DLG2: variants seen among roughly 807,000 people sequenced by gnomAD.
DLG2 encodes the protein disks large homolog 2.
A neutral mutation model predicts 132.5 loss-of-function variants in DLG2; 45 were observed. The observed-to-expected ratio is 0.34, with a 90% CI of 0.27 to 0.44. The LOEUF (loss-of-function observed/expected upper bound fraction) is 0.44. DLG2 is among the 20% of genes least tolerant of loss of function. DLG2 has a pLI of 1.00. For missense variants in DLG2, 1,045 were observed against 1,196.9 expected, an observed-to-expected ratio of 0.87 and a Z score of 1.87; for synonymous variants, 424 against 419.6, an observed-to-expected ratio of 1.01 and a Z score of -0.13.
At chr11:83,621,552 G>T (rs769075941) in intron 19 of DLG2, among the ~76,000 whole-genome samples, 7 of 152,098 alleles carry the variant, frequency 4.6e-5, no homozygotes, top group Admixed American at 1.3e-4. Context: ...AGTGAAGACA[G>T]ATGACTCAAA....
chr11:83,499,898 T>TAAAA (rs1555113167), intron 21 of DLG2, among the ~76,000 whole-genome samples: 3 of 96,472 alleles, frequency 3.1e-5, no homozygotes, highest in Non-Finnish European at 6.3e-5. Context: ...TATATATATA[T>TAAAA]CAGTTCTGTC....
At chr11:85,380,424 C>T (rs998436810) in intron 3 of DLG2, among the ~76,000 whole-genome samples, 2 of 152,034 alleles carry the variant, frequency 1.3e-5, no homozygotes, top group Non-Finnish European at 2.9e-5. Flanking sequence ...TTTGGGAGGC[C>T]AAGGCAGGAG....
intron 6 of DLG2, among the ~76,000 whole-genome samples, chr11:84,541,399 C>T (rs1344768198): frequency 6.6e-6 from 1 of 152,028 alleles, no homozygotes; most frequent in African/African-American, 2.4e-5. Flanking sequence ...CCCCCAACCC[C>T]AGATTCCTTC....
At chr11:83,574,692 A>C (rs2096848090) in intron 19 of DLG2, among the ~76,000 whole-genome samples, 1 of 152,342 alleles carries the variant, frequency 6.6e-6, no homozygotes, top group East Asian at 1.9e-4. Flanking sequence ...CATAACTAGA[A>C]GATGAGTAAT....
chr11:83,748,380 C>T (rs546307035), intron 18 of DLG2, among the ~76,000 whole-genome samples: 63 of 152,286 alleles, frequency 4.1e-4, no homozygotes, highest in African/African-American at 1.3e-3. Context: ...TCAGAGACAC[C>T]TCATGTTCAA....
chr11:84,122,776 G>GT (rs1053220591), intron 9 of DLG2, among the ~76,000 whole-genome samples: 1 of 152,058 alleles, frequency 6.6e-6, no homozygotes, highest in Non-Finnish European at 1.5e-5. Context: ...GCCCTTGAAG[G>GT]TTTTTTATAA....
At chr11:85,308,569 G>A (rs1192624358) in intron 3 of DLG2, among the ~76,000 whole-genome samples, 2 of 152,114 alleles carry the variant, frequency 1.3e-5, no homozygotes, top group Non-Finnish European at 2.9e-5. Context: ...AGCTCTTACC[G>A]AATCCTGGTC....
At chr11:84,659,178 A>G (rs1025306519) in intron 6 of DLG2, among the ~76,000 whole-genome samples, 5 of 152,082 alleles carry the variant, frequency 3.3e-5, no homozygotes, top group African/African-American at 1.2e-4. Flanking sequence ...TAACTGACAA[A>G]AATATCAAGT....
At chr11:84,742,241 G>A (rs2064779479) in intron 6 of DLG2, among the ~76,000 whole-genome samples, 1 of 152,086 alleles carries the variant, frequency 6.6e-6, no homozygotes, top group South Asian at 2.1e-4. Flanking sequence ...TAAAATAATA[G>A]CTGAAAACTT....
At chr11:85,480,412 GA>G (rs950167767) in intron 3 of DLG2, among the ~76,000 whole-genome samples, 13 of 149,458 alleles carry the variant, frequency 8.7e-5, no homozygotes, top group South Asian at 6.3e-4. Flanking sequence ...CATGAAGCAA[GA>G]AAAAAAAAGT....
rs543526501 is a variant in DLG2 at position 84,085,280 on chromosome 11, T to C, written c.749+13643A>G. On this transcript the variant is annotated intron_variant, in intron 10 of 27. Coordinates refer to ENST00000376104, the MANE Select transcript of DLG2 (RefSeq NM_001142699.3). Reference sequence around the variant, plus strand: ...TCTACCTCCCTCAAACCATTTTCTTTTGTCTAGAGCCCAAAGAGCTATTTG... The same window carrying C: ...TCTACCTCCCTCAAACCATTTTCTTCTGTCTAGAGCCCAAAGAGCTATTTG... 2.2e-4 allele frequency among the ~76,000 whole-genome samples: 34 copies of C among 152,336 alleles called. 2 individuals carry two copies. In the South Asian group the frequency reaches 6.6e-3, roughly 30 times the overall value.
chr11:85,132,877 GCA>G (rs1202832032), intron 5 of DLG2: 21 of 456,384 alleles, frequency 4.6e-5, no homozygotes, highest in Non-Finnish European at 8.4e-5. Context: ...TTTGGAAATT[GCA>G]CACAGAAAGA....
intron 5 of DLG2, among the ~76,000 whole-genome samples, chr11:85,115,946 G>C (rs1463545738): frequency 6.6e-6 from 1 of 151,918 alleles, no homozygotes; most frequent in Non-Finnish European, 1.5e-5. Context: ...ACCAGGAAGT[G>C]GACATGGAAG....
chr11:84,411,919 C>A (rs997119032), intron 7 of DLG2, among the ~76,000 whole-genome samples: 4 of 151,054 alleles, frequency 2.6e-5, no homozygotes, highest in African/African-American at 9.7e-5. Flanking sequence ...CTGAGTTATT[C>A]TTTTGTTCAA....
intron 18 of DLG2, among the ~76,000 whole-genome samples, chr11:83,639,121 T>A (rs1241398625): frequency 1.3e-5 from 2 of 152,210 alleles, no homozygotes; most frequent in Non-Finnish European, 2.9e-5. Context: ...TCAGGTGGCT[T>A]ACTTTGGTTC....
At chr11:83,606,317 A>G (rs1476536338) in intron 19 of DLG2, among the ~76,000 whole-genome samples, 2 of 152,184 alleles carry the variant, frequency 1.3e-5, no homozygotes, top group East Asian at 3.9e-4. Flanking sequence ...ACACAACATA[A>G]TGAACAAAAA....
At chr11:85,133,128 C>A in intron 5 of DLG2, 1 of 258,414 alleles carries the variant, frequency 3.9e-6, no homozygotes, top group Non-Finnish European at 8.0e-6. Flanking sequence ...TCTATCGTTG[C>A]GATGAGTGTA....
At chr11:83,595,704 G>C (rs898736898) in intron 19 of DLG2, among the ~76,000 whole-genome samples, 1 of 152,182 alleles carries the variant, frequency 6.6e-6, no homozygotes, top group Admixed American at 6.5e-5. Flanking sequence ...GCCTTTTGGA[G>C]ACACCATCTA....
In DLG2 at chr11:84,734,518, C is replaced by G. The variant is rs542836200; in HGVS notation, c.358-199787G>C. The stretch of plus-strand genomic sequence containing the variant: ...CTGAGACTTTGCTGAAGTTGCTTAT[C>G]AGCTTAAGGAGATTTTGGGCTGAGA... On this transcript the variant is annotated intron_variant, in intron 6 of 27. Coordinates refer to ENST00000376104, the MANE Select transcript of DLG2 (RefSeq NM_001142699.3). Among the ~76,000 whole-genome samples, 5 of 152,266 alleles carry G rather than the reference C, an allele frequency of 3.3e-5. No individual in the cohort carries two copies. The East Asian group carries it at 9.6e-4, about 29-fold the overall frequency.
Sources: allele counts gnomAD v4.1 joint callset (sites outside exome capture counted in the v4.1 genomes callset), GRCh38; gene constraint gnomAD v4.1.1; transcripts MANE v1.5; gene names NCBI Gene and HGNC (gene_info 2026-07-23, HGNC 2026-07-21).